MYO1B: variants seen among roughly 807,000 people sequenced by gnomAD.
MYO1B encodes the protein unconventional myosin-Ib.
Under a neutral mutation model 159.7 loss-of-function variants are expected in MYO1B, and 72 were observed. The ratio of observed to expected loss-of-function variants is 0.45; its 90% CI spans 0.37 to 0.55. MYO1B has a LOEUF of 0.55. Among genes scored for constraint, MYO1B ranks in the 20% least tolerant of loss-of-function variants. MYO1B has a pLI of 0.00. For missense variants in MYO1B, 1,062 were observed against 1,364.8 expected (o/e 0.78, Z 3.50); for synonymous variants, 468 against 473.8 (o/e 0.99, Z 0.16).
intron 13 of MYO1B, among the ~76,000 whole-genome samples, chr2:191,373,607 C>G (rs1231959557): frequency 1.3e-5 from 2 of 152,176 alleles, no homozygotes; most frequent in Non-Finnish European, 2.9e-5. Flanking sequence ...AACCCTGTCT[C>G]TACTAAAAAA....
chr2:191,330,039 C>T lies in MYO1B; in HGVS notation c.346+10C>T, dbSNP rs1175293138. ...GGAGCAGGAAAAACAGGTAAGGCTC[C>T]TACCAAGCAACTCTGCAGAAGGTAA... On this transcript the variant is annotated intron_variant, in intron 4 of 30. Transcript: ENST00000392318. 1.2e-6 allele frequency: 2 copies of T among 1,608,110 alleles called. No homozygotes were observed. The highest frequency in any genetic ancestry group is 2.2e-5 in the East Asian group (1 of 44,654).
chr2:191,345,019 C>CA (rs1187537407), intron 5 of MYO1B, among the ~76,000 whole-genome samples: 1 of 152,132 alleles, frequency 6.6e-6, no homozygotes, highest in Non-Finnish European at 1.5e-5. Flanking sequence ...CTCATTTGAA[C>CA]ACTCAGTAGT....
At chr2:191,274,118 A>G (rs1476777389) in intron 1 of MYO1B, among the ~76,000 whole-genome samples, 2 of 152,168 alleles carry the variant, frequency 1.3e-5, no homozygotes, top group African/African-American at 4.8e-5. Flanking sequence ...CAGTGTCCCT[A>G]AATGCTAAAA....
rs146663271 is a variant in MYO1B, at chr2:191,302,431, G to A, written c.251+6205G>A. Among the ~76,000 whole-genome samples, 657 of 152,280 alleles carry A rather than the reference G, an allele frequency of 4.3e-3. 9 individuals carry two copies. Among genetic ancestry groups the A allele is most frequent in the African/African-American group, 0.014 (597 of 41,570 alleles). ...GCTGAGAGTTCAATGAAATCAAAAT[G>A]TACTTGATAGGATACTTGTGGAGTT... On this transcript the variant is annotated intron_variant, in intron 3 of 30. Transcript: ENST00000392318.
chr2:191,394,425 A>T (rs143311839), intron 20 of MYO1B, among the ~76,000 whole-genome samples: 2 of 152,266 alleles, frequency 1.3e-5, no homozygotes, highest in Non-Finnish European at 2.9e-5. Context: ...TTTTGAGGTC[A>T]TTAAGAAAAG....
chr2:191,325,676 G>A (rs761067632), intron 3 of MYO1B, among the ~76,000 whole-genome samples: 44 of 152,280 alleles, frequency 2.9e-4, no homozygotes, highest in Non-Finnish European at 4.7e-4. Flanking sequence ...AAATGGCAGG[G>A]TAGAGAACAT....
intron 15 of MYO1B, among the ~76,000 whole-genome samples, 183 bp from the exon 16 acceptor site, chr2:191,385,701 G>A (rs548793778): frequency 6.6e-6 from 1 of 152,222 alleles, no homozygotes; most frequent in Non-Finnish European, 1.5e-5. Context: ...CACACACCTG[G>A]GATCCTTCAG....
At chr2:191,313,941 T>C (rs890711757) in intron 3 of MYO1B, among the ~76,000 whole-genome samples, 1 of 152,202 alleles carries the variant, frequency 6.6e-6, no homozygotes, top group African/African-American at 2.4e-5. Context: ...CAGTCTCCTC[T>C]TGTGCCCGGG....
At chr2:191,256,697 AATAAT>A (rs1226128397) in intron 1 of MYO1B, among the ~76,000 whole-genome samples, 1 of 152,188 alleles carries the variant, frequency 6.6e-6, no homozygotes, top group Non-Finnish European at 1.5e-5. Context: ...CCTCTGTACT[AATAAT>A]ATAATAAAAT....
At chr2:191,397,691 C>A (rs1167398755) in intron 21 of MYO1B, among the ~76,000 whole-genome samples, 6 of 145,588 alleles carry the variant, frequency 4.1e-5, no homozygotes, top group African/African-American at 1.6e-4. Context: ...ATGGCCCATC[C>A]CCAATGAGCC....
intron 2 of MYO1B, among the ~76,000 whole-genome samples, chr2:191,287,293 C>T (rs1239524273): frequency 6.6e-6 from 1 of 151,862 alleles, no homozygotes; most frequent in African/African-American, 2.4e-5. Context: ...GTTGAGAGGC[C>T]GAGGTAGGCG....
At chr2:191,384,579 T>G (rs937701062) in intron 15 of MYO1B, among the ~76,000 whole-genome samples, 1 of 152,214 alleles carries the variant, frequency 6.6e-6, no homozygotes, top group Admixed American at 6.5e-5. Flanking sequence ...ATATTCCACA[T>G]AAGCAATTCA....
intron 3 of MYO1B, among the ~76,000 whole-genome samples, chr2:191,307,440 G>A (rs1444557799): frequency 6.6e-6 from 1 of 152,160 alleles, no homozygotes; most frequent in Non-Finnish European, 1.5e-5. Context: ...TGTTTTATCA[G>A]CAAGGTCTTT....
chr2:191,400,734 T>C lies in MYO1B; in HGVS notation c.2383-15T>C. On this transcript the variant is annotated splice_polypyrimidine_tract_variant and intron_variant, in intron 22 of 30. Transcript: ENST00000392318. The stretch of plus-strand genomic sequence containing the variant: ...CCTTAAACTTTTCTGTAACTCCTTT[T>C]CAAATGCATCACAGGCACGAAGGGA... 6.2e-7 allele frequency: 1 copy of C among 1,613,144 alleles called. No homozygotes were observed. The highest frequency in any genetic ancestry group is 1.1e-5 in the South Asian group (1 of 90,774).
At chr2:191,418,553 G>A (rs190743170) in intron 30 of MYO1B, among the ~76,000 whole-genome samples, 102 of 144,994 alleles carry the variant, frequency 7.0e-4, no homozygotes, top group Non-Finnish European at 1.2e-3. Flanking sequence ...GCAGTGGCAC[G>A]ATCTTGGCTC....
chr2:191,364,280 G>C lies in MYO1B; in HGVS notation c.1032+4G>C. On this transcript the variant is annotated splice_donor_region_variant and intron_variant, in intron 11 of 30. Transcript: ENST00000392318. ...AACTACACTGAATGTGGCTCAGGTG[G>C]GTGAAACATAATGTACAGACGAAAG... 1 of 1,604,460 alleles carries C rather than the reference G, an allele frequency of 6.2e-7. No homozygotes were observed.
At chr2:191,329,492 T>C (rs1050499391) in intron 3 of MYO1B, among the ~76,000 whole-genome samples, 1 of 151,850 alleles carries the variant, frequency 6.6e-6, no homozygotes, top group African/African-American at 2.4e-5. Flanking sequence ...ATTTTAGACA[T>C]GTGGTGTAAC....
intron 4 of MYO1B, among the ~76,000 whole-genome samples, chr2:191,340,441 C>T (rs540755413): frequency 2.0e-5 from 3 of 152,092 alleles, no homozygotes; most frequent in African/African-American, 7.2e-5. Flanking sequence ...AGGCAGATGC[C>T]GAGAGAGGGG....
chr2:191,393,013 T>C, intron 19 of MYO1B, 60 bp from the exon 20 acceptor site: 1 of 1,500,270 alleles, frequency 6.7e-7, no homozygotes, highest in Non-Finnish European at 9.1e-7. Flanking sequence ...AAAATTCCTT[T>C]CCTGTATGCT....
Sources: gnomAD v4.1 joint callset for allele counts (sites outside exome capture counted in the v4.1 genomes callset) on GRCh38, gnomAD v4.1.1 for gene constraint, MANE v1.5 for transcripts, NCBI Gene and HGNC (gene_info 2026-07-23, HGNC 2026-07-21) for gene names.